The following CASR variants were observed in gnomAD, a reference collection of about 807,000 sequenced individuals.
The protein encoded by CASR is calcium sensing receptor.
CASR carries 23 observed loss-of-function variants against 69.1 expected under a neutral mutation model. That is an observed-to-expected ratio of 0.33 (90% CI 0.24 to 0.47). CASR has a LOEUF of 0.47. Ranked by LOEUF, CASR falls within the 20% of genes least tolerant of loss-of-function variation. The pLI is 1.00. For missense variants in CASR, 924 were observed against 1,356.1 expected, an observed-to-expected ratio of 0.68 and a Z score of 5.00; for synonymous variants, 541 against 544.7, an observed-to-expected ratio of 0.99 and a Z score of 0.10.
At chr3:122,215,161 A>C (rs1158813648) in intron 1 of CASR, among the ~76,000 whole-genome samples, 1 of 152,226 alleles carries the variant, frequency 6.6e-6, no homozygotes, top group African/African-American at 2.4e-5. Context: ...CTCTGCCTCC[A>C]TGGGTGAACT....
At chr3:122,238,951 TGG>T (rs762944636) in intron 1 of CASR, among the ~76,000 whole-genome samples, 1 of 152,194 alleles carries the variant, frequency 6.6e-6, no homozygotes, top group Non-Finnish European at 1.5e-5. Flanking sequence ...CCATGGGCTT[TGG>T]GTGAGACTCA....
In CASR at chr3:122,263,669, G is replaced by A. The variant is rs181815249; in HGVS notation, c.1377+1257G>A. Among the ~76,000 whole-genome samples the A allele has an allele frequency of 1.8e-4, 28 of 152,238 alleles. No individual in the cohort carries two copies. In the East Asian group the frequency reaches 4.8e-3, roughly 26 times the overall value. On this transcript the variant is annotated intron_variant, in intron 4 of 6. Coordinates refer to ENST00000639785, the MANE Select transcript of CASR (RefSeq NM_000388.4). ...GTGACTGTCTAAGTTGGTCAAATAG[G>A]CCAGAATCTTCAAGTTCTCAGCCCT... is the stretch of plus-strand genomic sequence containing the variant.
intron 1 of CASR, among the ~76,000 whole-genome samples, chr3:122,218,853 T>G (rs2074143854): frequency 6.6e-6 from 1 of 152,072 alleles, no homozygotes; most frequent in Non-Finnish European, 1.5e-5. Flanking sequence ...TGATTACAGA[T>G]AAGTACTACA....
intron 5 of CASR, among the ~76,000 whole-genome samples, chr3:122,280,980 C>T (rs2074881022): frequency 6.6e-6 from 1 of 152,158 alleles, no homozygotes; most frequent in African/African-American, 2.4e-5. Flanking sequence ...GTCTTTGAAA[C>T]ATATACATTG....
In CASR at chr3:122,285,373, A is replaced by C; in HGVS notation, c.*182A>C. On this transcript the variant is annotated 3_prime_UTR_variant, in exon 7 of 7. Coordinates refer to ENST00000639785, the MANE Select transcript of CASR (RefSeq NM_000388.4). ...TTGACCCATGTTCCCTTTAAAATTA[A>C]AAAAAAGAAGAGCCTTGTGTTTCTG... is the stretch of plus-strand genomic sequence containing the variant. 2 of 594,472 alleles carry C rather than the reference A, an allele frequency of 3.4e-6. No individual in the cohort carries two copies. Among genetic ancestry groups the C allele is most frequent in the Non-Finnish European group, 5.9e-6 (2 of 337,084 alleles). The allele number at this position is 594,472 out of a possible 1,614,324, so 36.8% of individuals were successfully genotyped here.
At chr3:122,212,054 C>T (rs1218441021) in intron 1 of CASR, among the ~76,000 whole-genome samples, 1 of 152,192 alleles carries the variant, frequency 6.6e-6, no homozygotes, top group Non-Finnish European at 1.5e-5. Context: ...AATCCCATTA[C>T]TGAGTATATA....
At chr3:122,220,644 C>T (rs1035101731) in intron 1 of CASR, among the ~76,000 whole-genome samples, 3 of 152,110 alleles carry the variant, frequency 2.0e-5, no homozygotes, top group African/African-American at 7.2e-5. Flanking sequence ...GTTGCTGGGT[C>T]CTCTTCTTGG....
At chr3:122,281,541 T>C (rs182170481) in intron 5 of CASR, among the ~76,000 whole-genome samples, 5 of 152,348 alleles carry the variant, frequency 3.3e-5, no homozygotes, top group Non-Finnish European at 5.9e-5. Context: ...GTTAAAGATA[T>C]TTCTTCCCAC....
At chr3:122,240,660 A>T (rs953714015) in intron 1 of CASR, among the ~76,000 whole-genome samples, 11 of 152,224 alleles carry the variant, frequency 7.2e-5, no homozygotes, top group African/African-American at 2.4e-4. Context: ...ATCAGACTTA[A>T]TCTGCAGTAT....
At chr3:122,197,794 C>T (rs150472073) in intron 1 of CASR, among the ~76,000 whole-genome samples, 3 of 152,296 alleles carry the variant, frequency 2.0e-5, no homozygotes, top group Non-Finnish European at 2.9e-5. Flanking sequence ...TTTCTGCTGT[C>T]ATCACTTTGA....
chr3:122,187,312 C>T (rs984361185), intron 1 of CASR, among the ~76,000 whole-genome samples: 2 of 152,090 alleles, frequency 1.3e-5, no homozygotes, highest in Non-Finnish European at 2.9e-5. Context: ...TTCAAAGATT[C>T]ATATATAGCT....
chr3:122,257,791 G>C (rs1234498112), intron 3 of CASR, among the ~76,000 whole-genome samples: 1 of 152,034 alleles, frequency 6.6e-6, no homozygotes, highest in Non-Finnish European at 1.5e-5. Context: ...GAAAAGTCTC[G>C]CTGCTCCACT....
intron 1 of CASR, among the ~76,000 whole-genome samples, chr3:122,195,774 C>A (rs149950937): frequency 3.6e-4 from 55 of 152,268 alleles, no homozygotes; most frequent in African/African-American, 1.3e-3. Context: ...TCATATCATT[C>A]CAAAGCCCAT....
At chr3:122,233,691 C>T (rs377421744) in intron 1 of CASR, among the ~76,000 whole-genome samples, 14 of 152,184 alleles carry the variant, frequency 9.2e-5, no homozygotes, top group Non-Finnish European at 7.4e-5. Context: ...GCTACTTGGG[C>T]GGTTGTGGTA....
intron 1 of CASR, among the ~76,000 whole-genome samples, chr3:122,217,565 G>T (rs546253866): frequency 2.0e-5 from 3 of 152,322 alleles, no homozygotes; most frequent in African/African-American, 7.2e-5. Flanking sequence ...AGAAGAAGCA[G>T]ATTCCCAAGA....
chr3:122,271,844 A>G (rs2074761395), intron 4 of CASR, among the ~76,000 whole-genome samples: 1 of 152,220 alleles, frequency 6.6e-6, no homozygotes, highest in Admixed American at 6.5e-5. Flanking sequence ...TCATATAAAT[A>G]AAATCATAAA....
intron 1 of CASR, among the ~76,000 whole-genome samples, chr3:122,206,727 C>A (rs942344688): frequency 2.0e-5 from 3 of 151,856 alleles, no homozygotes; most frequent in Non-Finnish European, 2.9e-5. Flanking sequence ...TGATGAGAGA[C>A]TTTTATTATG....
chr3:122,276,153 C>T lies in CASR; in HGVS notation c.1608+111C>T, dbSNP rs548601727. ...CTGGACTTCCAAAATAAAGAGTCCA[C>T]TTCCCTGAACTCTCTGGCCTTTGCA... On this transcript the variant is annotated intron_variant, in intron 5 of 6. Transcript: ENST00000639785. 18 of 739,660 alleles carry T rather than the reference C, an allele frequency of 2.4e-5. 1 individual carries two copies. In the South Asian group the frequency reaches 2.6e-4, roughly 11 times the overall value. The allele number at this position is 739,660 out of a possible 1,614,324, so 45.8% of individuals were successfully genotyped here. A position where few individuals can be genotyped will look rare whatever the true frequency, so the allele number is the denominator to read the frequency against.
intron 1 of CASR, among the ~76,000 whole-genome samples, chr3:122,232,466 A>G (rs2074287583): frequency 1.3e-5 from 2 of 152,196 alleles, no homozygotes; most frequent in African/African-American, 4.8e-5. Flanking sequence ...GGCACAGGTC[A>G]GAGGGGTGGA....
Sources: allele counts gnomAD v4.1 joint callset (sites outside exome capture counted in the v4.1 genomes callset), GRCh38; gene constraint gnomAD v4.1.1; transcripts MANE v1.5; gene names NCBI Gene and HGNC (gene_info 2026-07-23, HGNC 2026-07-21).